PCDHA11: variants seen among roughly 807,000 people sequenced by gnomAD.
PCDHA11 encodes protocadherin alpha-11.
PCDHA11 carries 61 observed loss-of-function variants against 70.3 expected under a neutral mutation model. The observed-to-expected ratio is 0.87, with a 90% CI of 0.71 to 1.07. PCDHA11 has a LOEUF of 1.07. PCDHA11 is among the 50% of genes least tolerant of loss of function. The pLI is 0.00. For missense variants in PCDHA11, 1,324 were observed against 1,237.5 expected (o/e 1.07, Z -1.05); for synonymous variants, 633 against 555.1 (o/e 1.14, Z -1.97).
chr5:140,959,876 G>A (rs1335764869), intron 1 of PCDHA11, among the ~76,000 whole-genome samples: 1 of 152,134 alleles, frequency 6.6e-6, no homozygotes. Context: ...ATCTGTCAAG[G>A]AATACACGAG....
chr5:140,945,526 A>T (rs1466059696), intron 1 of PCDHA11, among the ~76,000 whole-genome samples: 2 of 152,130 alleles, frequency 1.3e-5, no homozygotes, highest in African/African-American at 4.8e-5. Context: ...AATAAATAAA[A>T]CAAAACATAC....
intron 1 of PCDHA11, chr5:140,884,043 C>A (rs1196406346): frequency 6.2e-7 from 1 of 1,613,248 alleles, no homozygotes; most frequent in African/African-American, 1.3e-5. Flanking sequence ...CACGTGGTGG[C>A]GAAGGTGCGC....
At chr5:140,892,678 A>G (rs1381127232) in intron 1 of PCDHA11, among the ~76,000 whole-genome samples, 2 of 152,216 alleles carry the variant, frequency 1.3e-5, no homozygotes, top group Middle Eastern at 3.2e-3. Context: ...ACATATATAC[A>G]ATGTATAATA....
chr5:140,975,623 A>G (rs2096675265), intron 1 of PCDHA11, among the ~76,000 whole-genome samples: 1 of 152,244 alleles, frequency 6.6e-6, no homozygotes, highest in Admixed American at 6.5e-5. Flanking sequence ...ATGGATTTCC[A>G]TGGTACGAAG....
At chr5:140,953,331 A>G (rs2153698892) in intron 1 of PCDHA11, among the ~76,000 whole-genome samples, 1 of 152,248 alleles carries the variant, frequency 6.6e-6, no homozygotes, top group South Asian at 2.1e-4. Flanking sequence ...CATAGAATTT[A>G]GGGCTCACCT....
chr5:140,947,290 T>G (rs1554218137), intron 1 of PCDHA11, among the ~76,000 whole-genome samples: 2 of 151,614 alleles, frequency 1.3e-5, no homozygotes, highest in Non-Finnish European at 3.0e-5. Context: ...TTTTATTGCA[T>G]TATCTTGACA....
intron 1 of PCDHA11, chr5:140,883,877 G>A: frequency 1.2e-6 from 2 of 1,613,254 alleles, no homozygotes; most frequent in Non-Finnish European, 1.7e-6. Flanking sequence ...CCAGGTGAGC[G>A]CGCGCGACTC....
intron 1 of PCDHA11, among the ~76,000 whole-genome samples, chr5:140,961,237 G>A (rs1170465013): frequency 1.3e-5 from 2 of 152,136 alleles, no homozygotes; most frequent in African/African-American, 4.8e-5. Context: ...AAAAGGTGAT[G>A]GAATTTATCC....
At chr5:140,953,284 T>G (rs2094869714) in intron 1 of PCDHA11, among the ~76,000 whole-genome samples, 1 of 152,160 alleles carries the variant, frequency 6.6e-6, no homozygotes, top group Admixed American at 6.5e-5. Flanking sequence ...TCTTTATATG[T>G]GATTCAGGGA....
At position 140,883,630 on chromosome 5, in the gene PCDHA11, G is replaced by A. The variant is rs1424400219; in HGVS notation, c.2391+12136G>A. Reference sequence around the variant, plus strand: ...CCGACGTGAACGACAACGCGCCGGCGTTCGCGCAGCCCGAGTACACGGTGT... The same window carrying A: ...CCGACGTGAACGACAACGCGCCGGCATTCGCGCAGCCCGAGTACACGGTGT... On this transcript the variant is annotated intron_variant, in intron 1 of 3. Coordinates refer to ENST00000398640, the MANE Select transcript of PCDHA11 (RefSeq NM_018902.5). 3 of 1,613,848 alleles carry A rather than the reference G, an allele frequency of 1.9e-6. No individual in the cohort carries two copies. In the African/African-American group the frequency reaches 4.0e-5, roughly 22 times the overall value.
chr5:140,892,952 AT>A (rs1327610333), intron 1 of PCDHA11, among the ~76,000 whole-genome samples: 1 of 152,154 alleles, frequency 6.6e-6, no homozygotes, highest in African/African-American at 2.4e-5. Context: ...TACTACTTCC[AT>A]GAGCTCAATA....
intron 1 of PCDHA11, 78 bp from the exon 2 acceptor site, chr5:140,978,871 T>G: frequency 6.2e-7 from 1 of 1,606,510 alleles, no homozygotes; most frequent in Non-Finnish European, 8.5e-7. Context: ...TTTAAGGGAG[T>G]AACTAATCAA....
At chr5:140,925,932 A>G (rs1202634955) in intron 1 of PCDHA11, among the ~76,000 whole-genome samples, 1 of 150,196 alleles carries the variant, frequency 6.7e-6, no homozygotes, top group African/African-American at 2.5e-5. Flanking sequence ...TCCCAAGTAG[A>G]GCCTCTTGGA....
chr5:140,898,528 TG>T (rs2066807286), intron 1 of PCDHA11, among the ~76,000 whole-genome samples: 1 of 152,236 alleles, frequency 6.6e-6, no homozygotes, highest in African/African-American at 2.4e-5. Flanking sequence ...CTGAGGGCTC[TG>T]TTCTGTTCCA....
At chr5:140,968,210 A>T (rs376166734) in intron 1 of PCDHA11, 4 of 1,613,882 alleles carry the variant, frequency 2.5e-6, no homozygotes, top group Non-Finnish European at 3.4e-6. Flanking sequence ...ACAGGAGAAC[A>T]ATTTGCCAGG....
chr5:140,951,662 G>A (rs1246504133), intron 1 of PCDHA11, among the ~76,000 whole-genome samples: 1 of 152,150 alleles, frequency 6.6e-6, no homozygotes, highest in African/African-American at 2.4e-5. Context: ...ACCAGGGCCT[G>A]CCTACAAAAT....
At chr5:140,994,864 G>A (rs2097653681) in intron 3 of PCDHA11, among the ~76,000 whole-genome samples, 1 of 152,114 alleles carries the variant, frequency 6.6e-6, no homozygotes, top group Non-Finnish European at 1.5e-5. Context: ...TGATGGATGT[G>A]GTAGAATAAA....
At chr5:140,914,964 T>A (rs1328203928) in intron 1 of PCDHA11, among the ~76,000 whole-genome samples, 18 of 131,662 alleles carry the variant, frequency 1.4e-4, no homozygotes, top group Non-Finnish European at 3.0e-4. Context: ...TTTTTTTTTC[T>A]GAGTCAGAGT....
intron 1 of PCDHA11, among the ~76,000 whole-genome samples, chr5:140,894,001 G>A (rs2064275871): frequency 6.6e-6 from 1 of 152,098 alleles, no homozygotes; most frequent in African/African-American, 2.4e-5. Context: ...CAATTGTATG[G>A]TTGGTTCAAA....
Sources: allele counts gnomAD v4.1 joint callset (sites outside exome capture counted in the v4.1 genomes callset), GRCh38; gene constraint gnomAD v4.1.1; transcripts MANE v1.5; gene names NCBI Gene and HGNC (gene_info 2026-07-23, HGNC 2026-07-21).